Variants in GCNT1 observed in about 807,000 individuals in gnomAD.
GCNT1 encodes beta-1,3-galactosyl-O-glycosyl-glycoprotein beta-1,6-N-acetylglucosaminyltransferase.
Under a neutral mutation model 26.2 loss-of-function variants are expected in GCNT1, and 16 were observed. The ratio of observed to expected loss-of-function variants is 0.61; its 90% CI spans 0.41 to 0.93. The LOEUF (loss-of-function observed/expected upper bound fraction) is 0.93, where lower values mean the gene tolerates loss of function less well. GCNT1 is among the 40% of genes least tolerant of loss of function. GCNT1 has a pLI of 0.00. For missense variants in GCNT1, 477 were observed against 526.7 expected (o/e 0.91, Z 0.92); for synonymous variants, 183 against 190.8 (o/e 0.96, Z 0.34).
In GCNT1 at chr9:76,507,127, G is replaced by A. The variant is rs960377554; in HGVS notation, c.*3459G>A. On this transcript the variant is annotated 3_prime_UTR_variant, in exon 4 of 4. Coordinates refer to ENST00000376730, the MANE Select transcript of GCNT1 (RefSeq NM_001490.5). ...CTATTTTATAATGAAGTGTTGAATA[G>A]CTCATGTTATTTACTGAATACTGTT... is the stretch of plus-strand genomic sequence containing the variant. The A allele has an allele frequency of 7.2e-5, 12 of 166,908 alleles. No homozygotes were observed. Among genetic ancestry groups the A allele is most frequent in the African/African-American group, 2.9e-4 (12 of 41,434 alleles). 10.3% of individuals were successfully genotyped at this position (166,908 alleles called of 1,614,324 possible). A position where few individuals can be genotyped will look rare whatever the true frequency, so the allele number is the denominator to read the frequency against.
chr9:76,417,633 T>C (rs1823144174), upstream of GCNT1, among the ~76,000 whole-genome samples: 1 of 152,188 alleles, frequency 6.6e-6, no homozygotes, highest in Non-Finnish European at 1.5e-5. Context: ...AACAGGAAAC[T>C]CCTTTGGTGG....
At chr9:76,427,197 C>T (rs1218915901) in intron 1 of GCNT1, among the ~76,000 whole-genome samples, 1 of 91,248 alleles carries the variant, frequency 1.1e-5, no homozygotes. Context: ...TCTGCCAACA[C>T]CTTTTTTTTT....
Position 76,422,253 on chromosome 9 carries a change from C to A in GCNT1, n.38+2366C>A, listed in dbSNP as rs978232271. Among the ~76,000 whole-genome samples, 5 of 152,168 alleles carry A rather than the reference C, an allele frequency of 3.3e-5. No homozygotes were observed. The East Asian group carries it at 9.7e-4, about 29-fold the overall frequency. On this transcript the variant is annotated intron_variant and non_coding_transcript_variant, in intron 1 of 3. Coordinates refer to the GCNT1 transcript ENST00000488136. The stretch of plus-strand genomic sequence containing the variant: ...AGATGAAATATGAGTGGGAACACAG[C>A]CACACCATATCAGCCATGTTGCCCA...
At chr9:76,439,842 G>A (rs1263879840), upstream of GCNT1, among the ~76,000 whole-genome samples, 1 of 152,140 alleles carries the variant, frequency 6.6e-6, no homozygotes, top group Non-Finnish European at 1.5e-5. Flanking sequence ...GCTCATGCCT[G>A]TAATCCTAGC....
At chr9:76,469,322 T>C (rs139102805) in intron 2 of GCNT1, among the ~76,000 whole-genome samples, 14,987 of 152,204 alleles carry the variant, frequency 0.098, 1,182 homozygotes, top group African/African-American at 0.22. Context: ...AACATGGGGC[T>C]TGCAACTTAG....
chr9:76,476,054 T>G (rs1236933962), intron 2 of GCNT1, among the ~76,000 whole-genome samples: 1 of 152,232 alleles, frequency 6.6e-6, no homozygotes, highest in Non-Finnish European at 1.5e-5. Flanking sequence ...GGGGAGACAG[T>G]GCTTTTTATT....
chr9:76,484,944 A>G (rs1381811521), intron 2 of GCNT1, among the ~76,000 whole-genome samples: 1 of 151,886 alleles, frequency 6.6e-6, no homozygotes, highest in East Asian at 1.9e-4. Flanking sequence ...TCGTGCCACC[A>G]CACCCAGCTA....
upstream of GCNT1, chr9:76,459,095 C>G (rs1181606777): frequency 6.6e-6 from 1 of 152,390 alleles, no homozygotes; most frequent in Non-Finnish European, 1.5e-5. Flanking sequence ...AGTCCCCAGC[C>G]CCGAGCTCGC....
intron 1 of GCNT1, among the ~76,000 whole-genome samples, chr9:76,426,235 A>C (rs1280432110): frequency 6.6e-6 from 1 of 152,194 alleles, no homozygotes; most frequent in South Asian, 2.1e-4. Flanking sequence ...GGAGGTTAAA[A>C]GGAAGATGGA....
chr9:76,443,318 G>A (rs534547301), intron 1 of GCNT1, among the ~76,000 whole-genome samples: 56 of 152,318 alleles, frequency 3.7e-4, no homozygotes, highest in African/African-American at 1.3e-3. Flanking sequence ...AGAGCTGAGA[G>A]CCCTGAACAG....
chr9:76,452,651 G>A (rs764157408), intron 1 of GCNT1, among the ~76,000 whole-genome samples: 6 of 152,120 alleles, frequency 3.9e-5, no homozygotes, highest in Non-Finnish European at 8.8e-5. Context: ...CAGATCTCAT[G>A]AGAACTCCAT....
At chr9:76,488,546 A>C (rs1479836774) in intron 2 of GCNT1, among the ~76,000 whole-genome samples, 2 of 152,164 alleles carry the variant, frequency 1.3e-5, no homozygotes, top group African/African-American at 4.8e-5. Flanking sequence ...GTGCAATGGC[A>C]CAGTCTCCGC....
At chr9:76,454,387 A>G (rs1823717448), upstream of GCNT1, among the ~76,000 whole-genome samples, 1 of 76,338 alleles carries the variant, frequency 1.3e-5, no homozygotes, top group Non-Finnish European at 2.7e-5. Context: ...CTCAGAAAAG[A>G]AAAAAAAAAA....
exon 1 of GCNT1, chr9:76,442,249 C>CA (rs1429878284): frequency 2.6e-5 from 4 of 152,242 alleles, no homozygotes; most frequent in Non-Finnish European, 4.4e-5. Flanking sequence ...CAGAAAGAAA[C>CA]ACGGTTCTGC....
chr9:76,443,340 C>T (rs932809311), intron 1 of GCNT1, among the ~76,000 whole-genome samples: 4 of 152,226 alleles, frequency 2.6e-5, no homozygotes, highest in Middle Eastern at 3.4e-3. Context: ...GATTTACCCA[C>T]GTATTTATTA....
chr9:76,482,196 A>G (rs1258881579), intron 2 of GCNT1, among the ~76,000 whole-genome samples: 1 of 152,116 alleles, frequency 6.6e-6, no homozygotes, highest in Non-Finnish European at 1.5e-5. Flanking sequence ...TTGCCTCCCA[A>G]CAAAGAGTTG....
At chr9:76,432,235 A>T (rs1304348169) in intron 1 of GCNT1, among the ~76,000 whole-genome samples, 2 of 152,258 alleles carry the variant, frequency 1.3e-5, no homozygotes, top group African/African-American at 4.8e-5. Flanking sequence ...TACATAAAAT[A>T]CATTACATCT....
At chr9:76,443,872 A>T in intron 1 of GCNT1, among the ~76,000 whole-genome samples, 1 of 115,966 alleles carries the variant, frequency 8.6e-6, no homozygotes, top group South Asian at 2.6e-4. Flanking sequence ...TCTGTCTAAA[A>T]AAAGGAAAGA....
At chr9:76,459,168 C>A (rs1367263680), upstream of GCNT1, 1 of 152,384 alleles carries the variant, frequency 6.6e-6, no homozygotes, top group African/African-American at 2.4e-5. Flanking sequence ...CTGGGGGCGG[C>A]CCCGGGGCGG....
Sources: gnomAD v4.1 joint callset for allele counts (sites outside exome capture counted in the v4.1 genomes callset) on GRCh38, gnomAD v4.1.1 for gene constraint, MANE v1.5 for transcripts, NCBI Gene and HGNC (gene_info 2026-07-23, HGNC 2026-07-21) for gene names.